The following DMXL2 variants were observed in gnomAD, a reference collection of about 807,000 sequenced individuals.
The protein encoded by DMXL2 is Dmx like 2, also known as dmX-like protein 2.
DMXL2 carries 103 observed loss-of-function variants against 331.1 expected under a neutral mutation model. The observed-to-expected ratio is 0.31, with a 90% CI of 0.27 to 0.37. The LOEUF (loss-of-function observed/expected upper bound fraction) is 0.37. Ranked by LOEUF, DMXL2 falls within the 10% of genes least tolerant of loss-of-function variation. The pLI is 1.00. For missense variants in DMXL2, 3,171 were observed against 3,642.9 expected, an observed-to-expected ratio of 0.87 and a Z score of 3.33; for synonymous variants, 1,281 against 1,252.1, an observed-to-expected ratio of 1.02 and a Z score of -0.49.
chr15:51,577,707 C>A (rs1006945874), intron 1 of DMXL2, among the ~76,000 whole-genome samples: 1 of 152,106 alleles, frequency 6.6e-6, no homozygotes, highest in African/African-American at 2.4e-5. Context: ...AAATTTCCAA[C>A]GTGCCTTATA....
At position 51,481,031 on chromosome 15, in the gene DMXL2, T is replaced by C. The variant is rs757867214; in HGVS notation, c.6075A>G (p.Glu2025=). The C allele has an allele frequency of 6.2e-7, 1 of 1,614,168 alleles. No individual in the cohort carries two copies. Among genetic ancestry groups the C allele is most frequent in the Non-Finnish European group, 8.5e-7 (1 of 1,180,016 alleles). Residue 2025 remains glutamate, a synonymous_variant, in exon 24 of 44, where the codon GAA becomes GAG. Transcript: ENST00000560891. ...CAGTATCACCTTCAGGATCATCCTC[T>C]TCCTGAGGTGTTAATAACATGTTAG... ...SDPNMLLTPQ[E]EDDPEGDTEV...
chr15:51,472,377 T>A (rs994722006), intron 28 of DMXL2, among the ~76,000 whole-genome samples: 1 of 152,184 alleles, frequency 6.6e-6, no homozygotes, highest in African/African-American at 2.4e-5. Flanking sequence ...GAGGCAAATT[T>A]TACATAAAAT....
rs1015691334 is a variant in DMXL2, at chr15:51,498,664, G to A, written c.4560C>T (p.His1520=). 5.0e-6 allele frequency: 8 copies of A among 1,614,202 alleles called. No homozygotes were observed. Among genetic ancestry groups the A allele is most frequent in the East Asian group, 2.2e-5 (1 of 44,868 alleles). Residue 1520 remains histidine, a synonymous_variant, in exon 18 of 44, where the codon CAC becomes CAT. Transcript: ENST00000560891. ...AACGGGTAAGGCCTGGTAGACTTGA[G>A]TGCATAAGATGACTTGAAAGTACCC... is the stretch of plus-strand genomic sequence containing the variant. ...HARVLSSHLM[H]SSLPGLTRLE...
In DMXL2 at chr15:51,499,331, T is replaced by C; in HGVS notation, c.3893A>G (p.His1298Arg). 2 of 1,614,006 alleles carry C rather than the reference T, an allele frequency of 1.2e-6. No homozygotes were observed. Among genetic ancestry groups the C allele is most frequent in the Non-Finnish European group, 1.7e-6 (2 of 1,179,994 alleles). Residue 1298 changes from histidine to arginine, a missense_variant, in exon 18 of 44, where the codon CAT (histidine) becomes CGT (arginine). Physicochemically the swap from His to Arg is conservative, Grantham distance 29. Transcript: ENST00000560891. ...CAGCATATTAGATTTAAAGGTCGAA[T>C]GATCTTGCATTGCTGCCTCTTCTGC... ...SNAEEAAMQD[H>R]STFKSNMLAR...
intron 13 of DMXL2, among the ~76,000 whole-genome samples, chr15:51,524,412 T>C (rs1443876523): frequency 6.6e-6 from 1 of 151,954 alleles, no homozygotes; most frequent in East Asian, 1.9e-4. Context: ...TTAACCACTA[T>C]ACGAAAAAAA....
At chr15:51,565,635 T>C (rs910114412) in intron 3 of DMXL2, among the ~76,000 whole-genome samples, 2 of 152,196 alleles carry the variant, frequency 1.3e-5, no homozygotes, top group African/African-American at 2.4e-5. Context: ...TCCCACTAAA[T>C]TGCAACTCTT....
intron 19 of DMXL2, among the ~76,000 whole-genome samples, chr15:51,494,560 G>T (rs1168592608): frequency 6.6e-6 from 1 of 152,194 alleles, no homozygotes; most frequent in Admixed American, 6.5e-5. Flanking sequence ...CAGTATGCCT[G>T]AAGTACACAA....
intron 15 of DMXL2, among the ~76,000 whole-genome samples, chr15:51,509,312 C>A (rs781708685): frequency 6.6e-6 from 1 of 151,632 alleles, no homozygotes; most frequent in Non-Finnish European, 1.5e-5. Context: ...AGACTACTTG[C>A]CAAACTAATA....
chr15:51,520,236 C>T (rs1444004722), intron 13 of DMXL2, among the ~76,000 whole-genome samples: 3 of 152,150 alleles, frequency 2.0e-5, no homozygotes, highest in Non-Finnish European at 4.4e-5. Flanking sequence ...TAAGTCTTAT[C>T]TCAGATATCT....
At chr15:51,538,947 T>C (rs761664132) in intron 9 of DMXL2, among the ~76,000 whole-genome samples, 8 of 152,284 alleles carry the variant, frequency 5.3e-5, no homozygotes, top group Middle Eastern at 3.4e-3. Context: ...CGGTGACTCA[T>C]GCCTGTAATC....
chr15:51,534,828 A>C (rs181396935), intron 13 of DMXL2, among the ~76,000 whole-genome samples: 2 of 152,266 alleles, frequency 1.3e-5, no homozygotes, highest in Admixed American at 1.3e-4. Flanking sequence ...AATGAACCCA[A>C]ATATTGTCCT....
Position 51,528,128 on chromosome 15 carries a change from A to G in DMXL2, c.2436+7535T>C, listed in dbSNP as rs545669664. 4.0e-5 allele frequency among the ~76,000 whole-genome samples: 6 copies of G among 151,894 alleles called. 1 individual carries two copies. The South Asian group carries it at 1.2e-3, about 31-fold the overall frequency. On this transcript the variant is annotated intron_variant, in intron 13 of 43. Coordinates refer to ENST00000560891, the MANE Select transcript of DMXL2 (RefSeq NM_001378457.1). Reference sequence around the variant, plus strand: ...AAGCAAAAAACTAAATCACACCACCAGCAAAAGTCAACTTCACTAAAAGAA... The same window carrying G: ...AAGCAAAAAACTAAATCACACCACCGGCAAAAGTCAACTTCACTAAAAGAA...
intron 25 of DMXL2, among the ~76,000 whole-genome samples, chr15:51,479,415 C>G (rs545358009): frequency 1.3e-5 from 2 of 152,300 alleles, no homozygotes; most frequent in African/African-American, 4.8e-5. Context: ...GTTTCTTGGA[C>G]TGTATCAGTT....
At chr15:51,559,725 A>C (rs77231834) in intron 6 of DMXL2, among the ~76,000 whole-genome samples, 64 of 152,260 alleles carry the variant, frequency 4.2e-4, no homozygotes, top group African/African-American at 1.5e-3. Flanking sequence ...GTCTCTAAAA[A>C]AACAAAAAGC....
chr15:51,503,109 T>C (rs2043800492), intron 16 of DMXL2, 76 bp from the exon 17 acceptor site: 2 of 1,024,056 alleles, frequency 2.0e-6, no homozygotes, highest in Non-Finnish European at 2.8e-6. Flanking sequence ...ATTACTTTGT[T>C]ATTATTTAAG....
At chr15:51,514,419 T>C (rs374362561) in intron 15 of DMXL2, 23 bp downstream of exon 15, 1 of 1,343,552 alleles carries the variant, frequency 7.4e-7, no homozygotes, top group African/African-American at 1.5e-5. Flanking sequence ...GGTAAACAAA[T>C]GCAGACTATT....
chr15:51,571,100 G>C (rs556623245), intron 2 of DMXL2, among the ~76,000 whole-genome samples: 1 of 151,912 alleles, frequency 6.6e-6, no homozygotes, highest in Non-Finnish European at 1.5e-5. Context: ...GATTTACCAA[G>C]AAAATGGAAA....
intron 5 of DMXL2, among the ~76,000 whole-genome samples, chr15:51,563,863 T>A (rs1183705553): frequency 2.6e-5 from 4 of 152,112 alleles, no homozygotes; most frequent in Non-Finnish European, 2.9e-5. Flanking sequence ...AATCTATTAA[T>A]GAGTATTTCC....
chr15:51,521,450 GTAGTAGTAGTA>G (rs2047367127), intron 13 of DMXL2, among the ~76,000 whole-genome samples: 1 of 149,856 alleles, frequency 6.7e-6, no homozygotes, highest in South Asian at 2.1e-4. Context: ...AGTAGTAGTA[GTAGTAGTAGTA>G]GTGGTAGTGG....
Sources: gnomAD v4.1 joint callset for allele counts (sites outside exome capture counted in the v4.1 genomes callset) on GRCh38, gnomAD v4.1.1 for gene constraint, MANE v1.5 for transcripts, NCBI Gene and HGNC (gene_info 2026-07-23, HGNC 2026-07-21) for gene names.